The following MRPS6 variants were observed in gnomAD, a reference collection of about 807,000 sequenced individuals.
MRPS6 encodes small ribosomal subunit protein bS6m.
A neutral mutation model predicts 13.1 loss-of-function variants in MRPS6; 6 were observed. The observed-to-expected ratio is 0.46, with a 90% CI of 0.25 to 0.91. MRPS6 has a LOEUF of 0.91. Among genes scored for constraint, MRPS6 ranks in the 40% least tolerant of loss-of-function variants. The pLI, the probability that MRPS6 is intolerant of heterozygous loss-of-function variation, is 0.18. For synonymous variants in MRPS6, 61 were observed against 56.5 expected (o/e 1.08, Z -0.36); for missense variants, 164 against 155.6 (o/e 1.05, Z -0.29).
chr21:34,085,964 C>G (rs1291104541), intron 1 of MRPS6, among the ~76,000 whole-genome samples: 1 of 152,190 alleles, frequency 6.6e-6, no homozygotes, highest in African/African-American at 2.4e-5. Context: ...CTTAACACCT[C>G]ATGTTCATGT....
chr21:34,113,751 A>G (rs1979798006), intron 1 of MRPS6, among the ~76,000 whole-genome samples: 1 of 152,156 alleles, frequency 6.6e-6, no homozygotes, highest in Non-Finnish European at 1.5e-5. Context: ...GATTTTAAGA[A>G]CTTCTCTTAA....
chr21:34,135,989 A>G (rs1602968430), intron 2 of MRPS6: 3 of 331,806 alleles, frequency 9.0e-6, no homozygotes, highest in Admixed American at 8.4e-5. Context: ...GTGCTGCATC[A>G]TTGATCTGCA....
intron 1 of MRPS6, among the ~76,000 whole-genome samples, chr21:34,093,245 T>A (rs575650013): frequency 1.3e-5 from 2 of 152,044 alleles, no homozygotes; most frequent in Non-Finnish European, 2.9e-5. Flanking sequence ...AAGATTTTTT[T>A]TTTTTTTTTT....
At chr21:34,107,607 A>G (rs1237067154) in intron 1 of MRPS6, among the ~76,000 whole-genome samples, 1 of 152,178 alleles carries the variant, frequency 6.6e-6, no homozygotes, top group Non-Finnish European at 1.5e-5. Context: ...TGTTACTGTA[A>G]TGGCTATTTT....
In MRPS6 at chr21:34,097,494, A is replaced by G. The variant is rs575558370; in HGVS notation, c.45+23749A>G. ...ATTTTACTTAGCAGAAAATCATCTA[A>G]TTACAAGACTTTATTTTCCCAGAGA... On this transcript the variant is annotated intron_variant, in intron 1 of 2. Coordinates refer to ENST00000399312, the MANE Select transcript of MRPS6 (RefSeq NM_032476.4). 18 of 1,428,220 alleles carry G rather than the reference A, an allele frequency of 1.3e-5. No homozygotes were observed. The South Asian group carries it at 2.9e-4, about 23-fold the overall frequency. The allele number at this position is 1,428,220 out of a possible 1,614,324, so 88.5% of individuals were successfully genotyped here. A position where few individuals can be genotyped will look rare whatever the true frequency, so the allele number is the denominator to read the frequency against.
intron 1 of MRPS6, among the ~76,000 whole-genome samples, chr21:34,086,577 G>A (rs887632546): frequency 6.6e-6 from 1 of 151,808 alleles, no homozygotes; most frequent in Non-Finnish European, 1.5e-5. Flanking sequence ...GTAAAAGGAT[G>A]CGTTCTTCAT....
chr21:34,110,518 C>A (rs1248505537), intron 1 of MRPS6, among the ~76,000 whole-genome samples: 1 of 151,880 alleles, frequency 6.6e-6, no homozygotes. Context: ...ATAGGTGATT[C>A]TTTTATACAA....
At chr21:34,106,285 G>GT (rs1979473437) in intron 1 of MRPS6, 2 of 514,124 alleles carry the variant, frequency 3.9e-6, no homozygotes, top group East Asian at 3.0e-4. Context: ...AGTATTTTCA[G>GT]TATGAACACT....
chr21:34,140,723 T>A (rs1234235928), intron 2 of MRPS6, among the ~76,000 whole-genome samples: 1 of 152,250 alleles, frequency 6.6e-6, no homozygotes, highest in Non-Finnish European at 1.5e-5. Flanking sequence ...TGTTCTTATA[T>A]GTTGAAGCTC....
At chr21:34,113,128 C>T (rs915691114) in intron 1 of MRPS6, among the ~76,000 whole-genome samples, 6 of 152,172 alleles carry the variant, frequency 3.9e-5, no homozygotes, top group Non-Finnish European at 7.3e-5. Flanking sequence ...AACTGTTGCA[C>T]ACCGTTGGTG....
At chr21:34,104,255 G>A (rs1979377025) in intron 1 of MRPS6, 8 of 1,000,066 alleles carry the variant, frequency 8.0e-6, no homozygotes, top group Non-Finnish European at 9.6e-6. Context: ...GGGGTGGAGA[G>A]GATTCTTTCA....
At chr21:34,081,084 T>C (rs1283583736) in intron 1 of MRPS6, among the ~76,000 whole-genome samples, 1 of 152,196 alleles carries the variant, frequency 6.6e-6, no homozygotes, top group East Asian at 1.9e-4. Context: ...ATTAAAATAA[T>C]GACTGTAGAA....
At chr21:34,134,646 T>C (rs147728411) in intron 2 of MRPS6, among the ~76,000 whole-genome samples, 1 of 152,190 alleles carries the variant, frequency 6.6e-6, no homozygotes, top group Non-Finnish European at 1.5e-5. Flanking sequence ...CTCCTTCGAT[T>C]CCTTCCTCTA....
At chr21:34,128,376 A>G (rs1486089887) in intron 2 of MRPS6, among the ~76,000 whole-genome samples, 1 of 151,996 alleles carries the variant, frequency 6.6e-6, no homozygotes, top group Non-Finnish European at 1.5e-5. Flanking sequence ...CGCCCCCCAA[A>G]TCAACCGCCT....
intron 2 of MRPS6, among the ~76,000 whole-genome samples, chr21:34,127,953 G>A (rs961764201): frequency 6.6e-6 from 1 of 152,162 alleles, no homozygotes; most frequent in Non-Finnish European, 1.5e-5. Flanking sequence ...CCGAAATTAC[G>A]GCAAGGCGCT....
chr21:34,110,108 G>A (rs1979638612), intron 1 of MRPS6, among the ~76,000 whole-genome samples: 1 of 152,106 alleles, frequency 6.6e-6, no homozygotes, highest in Non-Finnish European at 1.5e-5. Flanking sequence ...GAGTTTTAAA[G>A]TTCTGCTTAT....
intron 1 of MRPS6, among the ~76,000 whole-genome samples, chr21:34,115,944 T>C (rs887388087): frequency 2.0e-5 from 3 of 151,376 alleles, no homozygotes; most frequent in Admixed American, 1.3e-4. Context: ...GGAAGATACA[T>C]GGATGTACTC....
At chr21:34,082,099 C>G (rs928599941) in intron 1 of MRPS6, among the ~76,000 whole-genome samples, 7 of 150,816 alleles carry the variant, frequency 4.6e-5, no homozygotes, top group Non-Finnish European at 7.4e-5. Flanking sequence ...TACTTAGGTA[C>G]CATGGATCAA....
intron 1 of MRPS6, among the ~76,000 whole-genome samples, chr21:34,109,029 T>C (rs981824712): frequency 2.0e-5 from 3 of 152,204 alleles, no homozygotes; most frequent in African/African-American, 7.2e-5. Context: ...CTTTGCTCTT[T>C]CTAGGGCAGT....
Sources: allele counts gnomAD v4.1 joint callset (sites outside exome capture counted in the v4.1 genomes callset), GRCh38; gene constraint gnomAD v4.1.1; transcripts MANE v1.5; gene names NCBI Gene and HGNC (gene_info 2026-07-23, HGNC 2026-07-21).